CEP85L: variants seen among roughly 807,000 people sequenced by gnomAD.
CEP85L encodes the protein centrosomal protein of 85 kDa-like.
CEP85L carries 60 observed loss-of-function variants against 100.3 expected under a neutral mutation model. The ratio of observed to expected loss-of-function variants is 0.60; its 90% CI spans 0.49 to 0.74. The LOEUF (loss-of-function observed/expected upper bound fraction) is 0.74. CEP85L is among the 30% of genes least tolerant of loss of function. The pLI is 0.00. For missense variants in CEP85L, 973 were observed against 936.2 expected (o/e 1.04, Z -0.51); for synonymous variants, 319 against 322.7 (o/e 0.99, Z 0.12).
At chr6:118,497,330 C>T (rs919959230) in intron 5 of CEP85L, among the ~76,000 whole-genome samples, 2 of 152,080 alleles carry the variant, frequency 1.3e-5, no homozygotes, top group South Asian at 2.1e-4. Flanking sequence ...GCAATGATAG[C>T]GACCAAAATG....
chr6:118,660,978 T>G (rs886608584), intron 1 of CEP85L, among the ~76,000 whole-genome samples: 4 of 152,034 alleles, frequency 2.6e-5, no homozygotes, highest in Non-Finnish European at 5.9e-5. Context: ...CTCGGCCTCC[T>G]GGGTTCAGGC....
chr6:118,614,511 G>A (rs973098784), intron 2 of CEP85L, among the ~76,000 whole-genome samples: 2 of 152,180 alleles, frequency 1.3e-5, no homozygotes, highest in Non-Finnish European at 2.9e-5. Flanking sequence ...GAACTAATGC[G>A]TGAGTTCAGC....
intron 2 of CEP85L, among the ~76,000 whole-genome samples, chr6:118,603,744 T>G (rs962938780): frequency 6.6e-6 from 1 of 152,222 alleles, no homozygotes; most frequent in Non-Finnish European, 1.5e-5. Flanking sequence ...GTTCTGAAAG[T>G]TTTTTCCTTT....
At position 118,461,552 on chromosome 6, in the gene CEP85L, AAT is replaced by A. The variant is rs1772233713; in HGVS notation, c.*3851_*3852del. Reference sequence around the variant, plus strand: ...AAAGGTTCTCTCTGTGTACAGCTGCAATAGTGTTATTAGACTTGCTGATTTAA... The same window carrying A: ...AAAGGTTCTCTCTGTGTACAGCTGCAAGTGTTATTAGACTTGCTGATTTAA... On this transcript the variant is annotated 3_prime_UTR_variant, in exon 13 of 13. Transcript: ENST00000368491. The A allele has an allele frequency of 6.6e-6, 1 of 152,214 alleles. No homozygotes were observed. The highest frequency in any genetic ancestry group is 6.5e-5 in the Admixed American group (1 of 15,288). The allele number at this position is 152,214 out of a possible 1,614,324, so 9.4% of individuals were successfully genotyped here.
At chr6:118,674,468 G>A (rs1355847354) in intron 1 of CEP85L, among the ~76,000 whole-genome samples, 1 of 151,580 alleles carries the variant, frequency 6.6e-6, no homozygotes, top group Non-Finnish European at 1.5e-5. Flanking sequence ...ACATTGTAGT[G>A]AGCCGAGATT....
chr6:118,506,230 C>T (rs1775649011), intron 5 of CEP85L, among the ~76,000 whole-genome samples: 1 of 152,130 alleles, frequency 6.6e-6, no homozygotes, highest in Admixed American at 6.5e-5. Context: ...AACAGTGACT[C>T]AGGAGATAAC....
At chr6:118,538,496 T>C (rs1777728021) in intron 3 of CEP85L, among the ~76,000 whole-genome samples, 1 of 152,012 alleles carries the variant, frequency 6.6e-6, no homozygotes, top group Non-Finnish European at 1.5e-5. Context: ...ACAACTAAAT[T>C]ACTATTATCT....
chr6:118,567,903 T>C (rs565135576), intron 2 of CEP85L, among the ~76,000 whole-genome samples: 1 of 152,222 alleles, frequency 6.6e-6, no homozygotes, highest in Non-Finnish European at 1.5e-5. Flanking sequence ...ATAGTTATCA[T>C]ATTCAAGACT....
At chr6:118,665,168 G>T (rs1440271606) in intron 1 of CEP85L, among the ~76,000 whole-genome samples, 1 of 151,998 alleles carries the variant, frequency 6.6e-6, no homozygotes, top group African/African-American at 2.4e-5. Flanking sequence ...TCAGCCACAG[G>T]TAAGATGAGT....
chr6:118,546,041 T>TA (rs1778181504), intron 3 of CEP85L, among the ~76,000 whole-genome samples: 1 of 44,516 alleles, frequency 2.2e-5, no homozygotes, highest in African/African-American at 6.6e-5. Flanking sequence ...TGAGGAACAC[T>TA]CTACTGATAA....
upstream of CEP85L, chr6:118,651,984 G>C (rs536708376): frequency 1.2e-6 from 1 of 802,746 alleles, no homozygotes; most frequent in Non-Finnish European, 1.5e-6. Flanking sequence ...GGCTGAGGGG[G>C]CTTCCAGCCT....
intron 3 of CEP85L, among the ~76,000 whole-genome samples, chr6:118,558,578 A>T (rs1450680598): frequency 6.6e-6 from 1 of 151,230 alleles, no homozygotes; most frequent in Non-Finnish European, 1.5e-5. Flanking sequence ...GGTGTGCCCC[A>T]TCAAAAAAGG....
chr6:118,482,375 T>C (rs1380083037), intron 7 of CEP85L, among the ~76,000 whole-genome samples: 1 of 152,148 alleles, frequency 6.6e-6, no homozygotes, highest in Non-Finnish European at 1.5e-5. Flanking sequence ...TCTCCCTCCA[T>C]TTCCTGGTAA....
intron 2 of CEP85L, among the ~76,000 whole-genome samples, chr6:118,596,608 A>C (rs1338122704): frequency 6.6e-6 from 1 of 152,188 alleles, no homozygotes; most frequent in Non-Finnish European, 1.5e-5. Flanking sequence ...AATAGTCTTT[A>C]TTATGCCTGC....
intron 3 of CEP85L, 111 bp downstream of exon 3, chr6:118,565,418 A>T (rs1779441566): frequency 1.9e-6 from 2 of 1,074,146 alleles, no homozygotes; most frequent in Admixed American, 2.3e-5. Context: ...ACTTGCAGGG[A>T]AAAGGAAATG....
intron 2 of CEP85L, among the ~76,000 whole-genome samples, chr6:118,605,268 A>G (rs1476270200): frequency 6.6e-6 from 1 of 152,204 alleles, no homozygotes; most frequent in Admixed American, 6.5e-5. Context: ...ATTTCACTGC[A>G]AGGCAACCCA....
rs1200877355 is a variant in CEP85L, at chr6:118,559,232, G to A, written c.1020+6297C>T. On this transcript the variant is annotated intron_variant, in intron 3 of 12. Coordinates refer to ENST00000368491, the MANE Select transcript of CEP85L (RefSeq NM_001042475.3). ...GTCAAGATTAAGACTAAAACTTATT[G>A]TTACCATATGTATTCATCTGTTGGA... is the stretch of plus-strand genomic sequence containing the variant. The A allele has an allele frequency of 1.2e-5, 9 of 727,874 alleles. No homozygotes were observed. The highest frequency in any genetic ancestry group is 3.5e-5 in the African/African-American group (2 of 57,256). 45.1% of individuals were successfully genotyped at this position (727,874 alleles called of 1,614,324 possible). A position where few individuals can be genotyped will look rare whatever the true frequency, so the allele number is the denominator to read the frequency against.
chr6:118,465,964 A>G (rs1772486799), intron 12 of CEP85L, among the ~76,000 whole-genome samples: 1 of 152,154 alleles, frequency 6.6e-6, no homozygotes, highest in African/African-American at 2.4e-5. Context: ...ACGACTGCAA[A>G]GTGGGTTTAC....
chr6:118,590,691 C>A (rs1266957389), intron 2 of CEP85L, among the ~76,000 whole-genome samples: 1 of 152,066 alleles, frequency 6.6e-6, no homozygotes, highest in African/African-American at 2.4e-5. Context: ...ACAGGAGAGC[C>A]TCTTCCTTCT....
Sources: allele counts gnomAD v4.1 joint callset (sites outside exome capture counted in the v4.1 genomes callset), GRCh38; gene constraint gnomAD v4.1.1; transcripts MANE v1.5; gene names NCBI Gene and HGNC (gene_info 2026-07-23, HGNC 2026-07-21).